Variants in COBLL1 observed in about 807,000 individuals in gnomAD.
The protein encoded by COBLL1 is cordon-bleu WH2 repeat protein like 1.
COBLL1 carries 50 observed loss-of-function variants against 94.8 expected under a neutral mutation model. The observed-to-expected ratio is 0.53, with a 90% CI of 0.42 to 0.67. The LOEUF is 0.67. Ranked by LOEUF, COBLL1 falls within the 30% of genes least tolerant of loss-of-function variation. COBLL1 has a pLI of 0.00. For missense variants in COBLL1, 1,362 were observed against 1,348.7 expected (o/e 1.01, Z -0.15); for synonymous variants, 448 against 473.8 (o/e 0.95, Z 0.71).
chr2:164,694,388 C>T lies in COBLL1; in HGVS notation c.3004G>A (p.Glu1002Lys), dbSNP rs372682540. The T allele has an allele frequency of 5.0e-6, 8 of 1,613,856 alleles. No homozygotes were observed. In the African/African-American group the frequency reaches 1.1e-4, roughly 22 times the overall value. ...VVKRSQSFSKERTESPSASAL... is the reference protein window; with the variant it reads ...VVKRSQSFSKKRTESPSASAL... ...CTGGCACTAGGTGACTCGGTGCGCT[C>T]TTTACTGAAAGACTGTGACCTTTTC... The change falls in exon 12 of 14, where the codon GAG becomes AAG. Residue 1002 changes from glutamate to lysine, a missense_variant. Physicochemically the swap from Glu to Lys is moderately conservative, Grantham distance 56. Coordinates refer to ENST00000652658, the MANE Select transcript of COBLL1 (RefSeq NM_001365672.2).
Position 164,801,438 on chromosome 2 carries a change from C to CAA in COBLL1, c.41+39716_41+39717dup, listed in dbSNP as rs143505097. ...TGGGCGACAGAGCGAGACTCCGTCT[C>CAA]AAAAAAAAAAAAAAAAAAAAAAAAA... On this transcript the variant is annotated intron_variant, in intron 2 of 13. Transcript: ENST00000652658. Among the ~76,000 whole-genome samples, 222 of 28,214 alleles carry CAA rather than the reference C, an allele frequency of 7.9e-3. 55 individuals are homozygous for CAA. The highest frequency in any genetic ancestry group is 0.036 in the Middle Eastern group (1 of 28). 18.5% of individuals were successfully genotyped at this position (28,214 alleles called of 152,430 possible).
chr2:164,768,190 C>T (rs1184920224), intron 2 of COBLL1, among the ~76,000 whole-genome samples: 1 of 152,056 alleles, frequency 6.6e-6, no homozygotes, highest in African/African-American at 2.4e-5. Context: ...GCAAAAGCAA[C>T]CACCTGCTAC....
intron 13 of COBLL1, among the ~76,000 whole-genome samples, 163 bp downstream of exon 13, chr2:164,692,058 C>T (rs1420859828): frequency 4.6e-5 from 7 of 152,208 alleles, no homozygotes; most frequent in African/African-American, 9.6e-5. Flanking sequence ...TTTTCAAGTA[C>T]GTGTAAGACT....
At chr2:164,664,038 T>A (rs1361304591) in intron 2 of COBLL1, among the ~76,000 whole-genome samples, 1 of 152,234 alleles carries the variant, frequency 6.6e-6, no homozygotes. Flanking sequence ...CAATCAGAGT[T>A]ATTGGAGACT....
intron 2 of COBLL1, among the ~76,000 whole-genome samples, chr2:164,820,009 T>A (rs970865346): frequency 6.8e-6 from 1 of 147,598 alleles, no homozygotes; most frequent in Non-Finnish European, 1.5e-5. Context: ...TTTTTTTTAA[T>A]TTTTAGTAGA....
intron 1 of COBLL1, among the ~76,000 whole-genome samples, chr2:164,673,557 C>G (rs189489673): frequency 6.6e-6 from 1 of 152,178 alleles, no homozygotes; most frequent in Admixed American, 6.5e-5. Flanking sequence ...TGTTTGTAAT[C>G]TTAGCTACTA....
chr2:164,821,553 C>T (rs572472501), intron 2 of COBLL1, among the ~76,000 whole-genome samples: 1 of 152,210 alleles, frequency 6.6e-6, no homozygotes, highest in Non-Finnish European at 1.5e-5. Flanking sequence ...ATGGGAGGAA[C>T]AAAATTAAAA....
intron 2 of COBLL1, among the ~76,000 whole-genome samples, chr2:164,788,151 C>A (rs1425863811): frequency 6.6e-6 from 1 of 152,166 alleles, no homozygotes; most frequent in Non-Finnish European, 1.5e-5. Context: ...AGTACTATGA[C>A]TGACCAAAAC....
intron 1 of COBLL1, among the ~76,000 whole-genome samples, chr2:164,671,009 A>T (rs2105387227): frequency 6.6e-6 from 1 of 152,328 alleles, no homozygotes; most frequent in South Asian, 2.1e-4. Flanking sequence ...CTCACTTCAC[A>T]GGTAAGGGCA....
chr2:164,805,555 AGT>A (rs1684109245), intron 2 of COBLL1, among the ~76,000 whole-genome samples: 1 of 97,476 alleles, frequency 1.0e-5, no homozygotes, highest in South Asian at 2.8e-4. Flanking sequence ...CTGTCACCAT[AGT>A]TTATGTTATA....
chr2:164,722,557 T>G, intron 5 of COBLL1, 35 bp from the exon 6 acceptor site: 1 of 1,134,586 alleles, frequency 8.8e-7, no homozygotes, highest in Non-Finnish European at 1.2e-6. Context: ...CTTTTGTATG[T>G]GAGGTTGACT....
At chr2:164,696,856 C>CTT (rs1228897323) in intron 11 of COBLL1, 1 of 152,178 alleles carries the variant, frequency 6.6e-6, no homozygotes, top group African/African-American at 2.4e-5. Context: ...CATCACTGTG[C>CTT]TTATCTTCAA....
Position 164,692,417 on chromosome 2 carries a change from A to C in COBLL1, c.3124-20T>G. On this transcript the variant is annotated intron_variant, in intron 12 of 13. Coordinates refer to ENST00000652658, the MANE Select transcript of COBLL1 (RefSeq NM_001365672.2). Reference sequence around the variant, plus strand: ...ATTTTCCTACAAAAATAAATGTGAAATATTTATATGAATGCCAAGAAAAGA... The same window carrying C: ...ATTTTCCTACAAAAATAAATGTGAACTATTTATATGAATGCCAAGAAAAGA... The C allele has an allele frequency of 6.3e-7, 1 of 1,578,048 alleles. No homozygotes were observed. The highest frequency in any genetic ancestry group is 8.6e-7 in the Non-Finnish European group (1 of 1,161,606).
intron 5 of COBLL1, among the ~76,000 whole-genome samples, chr2:164,727,436 A>G (rs1163867415): frequency 2.0e-5 from 3 of 152,192 alleles, no homozygotes; most frequent in Non-Finnish European, 4.4e-5. Context: ...TCATTTCTAT[A>G]GATTAAAACT....
chr2:164,774,986 CAAT>C (rs1369691889), intron 2 of COBLL1, among the ~76,000 whole-genome samples: 1 of 151,362 alleles, frequency 6.6e-6, no homozygotes, highest in African/African-American at 2.4e-5. Flanking sequence ...TAAATATATA[CAAT>C]AATAACTTCA....
chr2:164,733,612 A>G (rs1451772424), intron 3 of COBLL1, among the ~76,000 whole-genome samples: 1 of 152,218 alleles, frequency 6.6e-6, no homozygotes, highest in Non-Finnish European at 1.5e-5. Context: ...ACATAACTAC[A>G]TATGTGAATT....
At position 164,695,752 on chromosome 2, in the gene COBLL1, T is replaced by G; in HGVS notation, c.1640A>C (p.Glu547Ala). The G allele has an allele frequency of 6.2e-7, 1 of 1,613,466 alleles. No individual in the cohort carries two copies. Among genetic ancestry groups the G allele is most frequent in the Non-Finnish European group, 8.5e-7 (1 of 1,179,694 alleles). Reference sequence around the variant, plus strand: ...AATGTTGTTATTTTTGGCAACACCTTCTACATTGATTTCTGTTTTCTTCAC... The same window carrying G: ...AATGTTGTTATTTTTGGCAACACCTGCTACATTGATTTCTGTTTTCTTCAC... ...NGVKKTEINVEGVAKNNNIDM... is the reference protein window; with the variant it reads ...NGVKKTEINVAGVAKNNNIDM... Residue 547 changes from glutamate to alanine, a missense_variant, in exon 12 of 14, where the codon GAA (glutamate) becomes GCA (alanine). Coordinates refer to ENST00000652658, the MANE Select transcript of COBLL1 (RefSeq NM_001365672.2).
intron 11 of COBLL1, chr2:164,696,195 TA>T (rs200333271): frequency 8.5e-6 from 1 of 117,930 alleles, no homozygotes; most frequent in African/African-American, 5.4e-5. Flanking sequence ...AGAAGGTAAA[TA>T]AAGTTTTTAC....
intron 11 of COBLL1, chr2:164,696,134 A>T (rs186425341): frequency 7.2e-4 from 173 of 240,284 alleles, no homozygotes; most frequent in African/African-American, 3.6e-3. Context: ...TTATATGTGT[A>T]TCATTTAGAT....
Sources: gnomAD v4.1 joint callset for allele counts (sites outside exome capture counted in the v4.1 genomes callset) on GRCh38, gnomAD v4.1.1 for gene constraint, MANE v1.5 for transcripts, NCBI Gene and HGNC (gene_info 2026-07-23, HGNC 2026-07-21) for gene names.